HECW2: variants seen among roughly 807,000 people sequenced by gnomAD.
The protein encoded by HECW2 is E3 ubiquitin-protein ligase HECW2.
In HECW2, 61 loss-of-function variants were observed where a neutral mutation model predicts 175.2. The observed-to-expected ratio is 0.35, with a 90% CI of 0.28 to 0.43. HECW2 has a LOEUF of 0.43. HECW2 is among the 20% of genes least tolerant of loss of function. HECW2 has a pLI of 1.00. For missense variants in HECW2, 1,524 were observed against 2,000.5 expected, an observed-to-expected ratio of 0.76 and a Z score of 4.54; for synonymous variants, 671 against 731.0, an observed-to-expected ratio of 0.92 and a Z score of 1.32.
intron 2 of HECW2, among the ~76,000 whole-genome samples, chr2:196,350,618 G>C (rs1245129852): frequency 6.6e-6 from 1 of 152,094 alleles, no homozygotes; most frequent in Non-Finnish European, 1.5e-5. Flanking sequence ...TTGTTACCTT[G>C]TTCATTCATT....
intron 1 of HECW2, among the ~76,000 whole-genome samples, chr2:196,550,460 T>G (rs990365915): frequency 2.0e-5 from 3 of 152,216 alleles, no homozygotes; most frequent in African/African-American, 7.2e-5. Context: ...AAATTTTCAT[T>G]GAAAATTCTT....
chr2:196,201,021 G>T lies in HECW2; in HGVS notation c.*256C>A. On this transcript the variant is annotated 3_prime_UTR_variant, in exon 29 of 29. Transcript: ENST00000644978. ...ATCTTTGTCTTGGAACATAACAAAT[G>T]GAAAAAGTTTGGCAGTCAAGAACTG... The T allele has an allele frequency of 2.6e-6, 1 of 377,652 alleles. No homozygotes were observed. Among genetic ancestry groups the T allele is most frequent in the Non-Finnish European group, 5.0e-6 (1 of 199,422 alleles). The allele number at this position is 377,652 out of a possible 1,614,324, so 23.4% of individuals were successfully genotyped here. A position where few individuals can be genotyped will look rare whatever the true frequency, so the allele number is the denominator to read the frequency against.
intron 2 of HECW2, among the ~76,000 whole-genome samples, chr2:196,386,225 A>T (rs1326768542): frequency 3.9e-5 from 6 of 152,220 alleles, no homozygotes; most frequent in Non-Finnish European, 8.8e-5. Context: ...ACAGTAAACA[A>T]GGAACATATT....
intron 2 of HECW2, among the ~76,000 whole-genome samples, chr2:196,413,852 T>C (rs1695181993): frequency 6.6e-6 from 1 of 152,174 alleles, no homozygotes; most frequent in Non-Finnish European, 1.5e-5. Flanking sequence ...CACACCAGCC[T>C]GCACTTCTCT....
chr2:196,331,509 A>G (rs1692359009), intron 4 of HECW2, among the ~76,000 whole-genome samples: 1 of 152,210 alleles, frequency 6.6e-6, no homozygotes, highest in Admixed American at 6.5e-5. Flanking sequence ...CCACCCCTCA[A>G]AACACATCTC....
intron 1 of HECW2, among the ~76,000 whole-genome samples, chr2:196,577,038 G>A (rs1435207647): frequency 6.6e-6 from 1 of 152,144 alleles, no homozygotes; most frequent in Non-Finnish European, 1.5e-5. Context: ...TCAAAATGAT[G>A]CAAATAACGG....
chr2:196,398,321 C>T lies in HECW2; in HGVS notation c.292+34811G>A, dbSNP rs571990944. Among the ~76,000 whole-genome samples the T allele has an allele frequency of 1.1e-4, 17 of 152,138 alleles. No individual in the cohort carries two copies. The East Asian group carries it at 3.3e-3, about 29-fold the overall frequency. Reference sequence around the variant, plus strand: ...AAAAAATACTGTTTGATTATGCATGCAGAGAAACACAGACATATAGTAAAA... The same window carrying T: ...AAAAAATACTGTTTGATTATGCATGTAGAGAAACACAGACATATAGTAAAA... On this transcript the variant is annotated intron_variant, in intron 2 of 28. Coordinates refer to ENST00000644978, the MANE Select transcript of HECW2 (RefSeq NM_001348768.2).
chr2:196,530,940 A>G (rs1413672680), intron 1 of HECW2, among the ~76,000 whole-genome samples: 2 of 152,154 alleles, frequency 1.3e-5, no homozygotes, highest in East Asian at 1.9e-4. Context: ...GTTCTCGCAC[A>G]TGTTCCCTCT....
chr2:196,395,913 C>G (rs562652414), intron 2 of HECW2, among the ~76,000 whole-genome samples: 1 of 152,228 alleles, frequency 6.6e-6, no homozygotes, highest in South Asian at 2.1e-4. Context: ...GGGACTCAAA[C>G]AGGTATCTGT....
intron 21 of HECW2, 130 bp downstream of exon 21, chr2:196,240,319 G>T: frequency 5.5e-6 from 3 of 541,818 alleles, no homozygotes; most frequent in Non-Finnish European, 9.6e-6. Context: ...AAGCCCAAAG[G>T]TTTAAGTGTA....
intron 1 of HECW2, among the ~76,000 whole-genome samples, chr2:196,528,852 A>T (rs1453178652): frequency 6.6e-6 from 1 of 152,260 alleles, no homozygotes; most frequent in Non-Finnish European, 1.5e-5. Flanking sequence ...ACCATGAATG[A>T]GAACAGTCAG....
intron 1 of HECW2, among the ~76,000 whole-genome samples, chr2:196,524,809 A>G (rs1340494466): frequency 8.5e-6 from 1 of 117,086 alleles, no homozygotes; most frequent in Admixed American, 7.9e-5. Context: ...CTTAATCCTG[A>G]GTTCTAGTTT....
At chr2:196,262,394 T>C (rs746254716) in intron 17 of HECW2, among the ~76,000 whole-genome samples, 2 of 152,186 alleles carry the variant, frequency 1.3e-5, no homozygotes, top group Non-Finnish European at 2.9e-5. Flanking sequence ...ATTAAGGTTA[T>C]ACTAATACAA....
At chr2:196,432,919 T>C (rs1196709835) in intron 2 of HECW2, among the ~76,000 whole-genome samples, 1 of 152,232 alleles carries the variant, frequency 6.6e-6, no homozygotes, top group Non-Finnish European at 1.5e-5. Flanking sequence ...TGACATTTAA[T>C]GAGGTAGAGA....
chr2:196,462,055 CGTATACATATAT>C (rs1182535214), intron 1 of HECW2, among the ~76,000 whole-genome samples: 4 of 151,638 alleles, frequency 2.6e-5, no homozygotes, highest in Non-Finnish European at 5.9e-5. Context: ...TGTGTGTGTG[CGTATACATATAT>C]GTATACATAT....
intron 1 of HECW2, among the ~76,000 whole-genome samples, chr2:196,474,985 G>A (rs1559133328): frequency 1.3e-5 from 2 of 152,236 alleles, no homozygotes; most frequent in South Asian, 2.1e-4. Context: ...GAGCAGCATC[G>A]TTACAGACGC....
intron 17 of HECW2, among the ~76,000 whole-genome samples, chr2:196,270,750 G>A (rs575755891): frequency 5.3e-4 from 80 of 151,736 alleles, no homozygotes; most frequent in African/African-American, 1.7e-3. Flanking sequence ...CGCCAGGCTG[G>A]AGTGCAGTGG....
chr2:196,338,594 T>C (rs536292391), intron 3 of HECW2, among the ~76,000 whole-genome samples: 5 of 152,296 alleles, frequency 3.3e-5, no homozygotes, highest in African/African-American at 4.8e-5. Flanking sequence ...CAGACTAGGA[T>C]CTCATCCATC....
intron 1 of HECW2, among the ~76,000 whole-genome samples, chr2:196,590,086 A>C (rs994604721): frequency 6.6e-6 from 1 of 152,168 alleles, no homozygotes; most frequent in Non-Finnish European, 1.5e-5. Flanking sequence ...GCAAGACTCA[A>C]AATCTGGTGT....
Sources: gnomAD v4.1 joint callset for allele counts (sites outside exome capture counted in the v4.1 genomes callset) on GRCh38, gnomAD v4.1.1 for gene constraint, MANE v1.5 for transcripts, NCBI Gene and HGNC (gene_info 2026-07-23, HGNC 2026-07-21) for gene names.